The following COL22A1 variants were observed in gnomAD, a reference collection of about 807,000 sequenced individuals.
COL22A1 encodes collagen alpha-1(XXII) chain.
Under a neutral mutation model 248.9 loss-of-function variants are expected in COL22A1, and 221 were observed. That is an observed-to-expected ratio of 0.89 (90% CI 0.80 to 0.99). The LOEUF is 0.99. Ranked by LOEUF, COL22A1 falls within the 50% of genes least tolerant of loss-of-function variation. The probability of loss-of-function intolerance (pLI) is 0.00; values close to 1 mark genes in which losing one functional copy is unlikely to be tolerated. For synonymous variants in COL22A1, 891 were observed against 793.4 expected, an observed-to-expected ratio of 1.12 and a Z score of -2.07; for missense variants, 2,240 against 2,179.0, an observed-to-expected ratio of 1.03 and a Z score of -0.56.
rs750656357 is a variant in COL22A1 at position 138,755,555 on chromosome 8, C to CA, written c.1948-45dup. 95 of 1,597,358 alleles carry CA rather than the reference C, an allele frequency of 5.9e-5. No homozygotes were observed. The African/African-American group carries it at 1.1e-3, about 18-fold the overall frequency. On this transcript the variant is annotated intron_variant, in intron 19 of 64. Transcript: ENST00000303045. ...ATTAGCAAAGGTGCTGGCATTTCCG[C>CA]AACCACAGTCAACCTCTCTCAGCTG...
At chr8:138,752,408 C>G (rs1170801081) in intron 21 of COL22A1, among the ~76,000 whole-genome samples, 1 of 152,194 alleles carries the variant, frequency 6.6e-6, no homozygotes, top group African/African-American at 2.4e-5. Flanking sequence ...TGTACGTGAC[C>G]AAGCTGCATT....
intron 41 of COL22A1, among the ~76,000 whole-genome samples, chr8:138,665,876 T>C (rs1444729950): frequency 1.3e-5 from 2 of 152,144 alleles, no homozygotes; most frequent in African/African-American, 4.8e-5. Context: ...AGAGCCAGAG[T>C]ACATTTTTAG....
chr8:138,764,549 GC>G (rs1833772430), intron 16 of COL22A1, among the ~76,000 whole-genome samples: 1 of 152,226 alleles, frequency 6.6e-6, no homozygotes, highest in South Asian at 2.1e-4. Flanking sequence ...TGGTTTGCAG[GC>G]CCCTGGCCTT....
intron 7 of COL22A1, among the ~76,000 whole-genome samples, chr8:138,817,066 T>A (rs1320691219): frequency 6.6e-6 from 1 of 152,206 alleles, no homozygotes; most frequent in Non-Finnish European, 1.5e-5. Context: ...CTCCTTTCTA[T>A]AGATGAGGAA....
chr8:138,613,247 CAAA>C (rs35361699), intron 56 of COL22A1, among the ~76,000 whole-genome samples: 3 of 124,328 alleles, frequency 2.4e-5, no homozygotes, highest in Non-Finnish European at 1.6e-5. Flanking sequence ...GACTCCGTTT[CAAA>C]AAAAAAAAAA....
At chr8:138,684,492 G>A (rs762273542) in intron 38 of COL22A1, 23 bp from the exon 39 acceptor site, 9 of 1,579,714 alleles carry the variant, frequency 5.7e-6, no homozygotes, top group South Asian at 1.1e-5. Flanking sequence ...ATAATACAAG[G>A]ACAATCATGG....
intron 17 of COL22A1, 38 bp downstream of exon 17, chr8:138,762,375 T>G: frequency 6.2e-7 from 1 of 1,606,904 alleles, no homozygotes; most frequent in Non-Finnish European, 8.5e-7. Flanking sequence ...CTCTGACCGC[T>G]GATGAAACCT....
At chr8:138,805,096 T>C (rs1204175164) in intron 10 of COL22A1, among the ~76,000 whole-genome samples, 4 of 142,294 alleles carry the variant, frequency 2.8e-5, no homozygotes, top group Non-Finnish European at 6.1e-5. Context: ...GGTAATGGTG[T>C]ATGGTGGTGT....
At chr8:138,802,847 T>C (rs755784069) in intron 11 of COL22A1, 25 bp downstream of exon 11, 11 of 1,601,818 alleles carry the variant, frequency 6.9e-6, no homozygotes, top group South Asian at 1.1e-5. Context: ...GGTTCAGCCA[T>C]GTAGAGGAGC....
At chr8:138,826,110 A>G (rs1275505553) in intron 6 of COL22A1, 1 of 153,208 alleles carries the variant, frequency 6.5e-6, no homozygotes, top group African/African-American at 2.4e-5. Flanking sequence ...CGTATCAGAC[A>G]CTGTTCTAGA....
chr8:138,793,036 A>G (rs1816202515), intron 12 of COL22A1, among the ~76,000 whole-genome samples: 1 of 152,240 alleles, frequency 6.6e-6, no homozygotes, highest in Non-Finnish European at 1.5e-5. Context: ...TACCCTTAGC[A>G]GGATGCCTGG....
chr8:138,774,974 G>T (rs16909591), intron 16 of COL22A1, among the ~76,000 whole-genome samples: 1 of 152,122 alleles, frequency 6.6e-6, no homozygotes, highest in African/African-American at 2.4e-5. Flanking sequence ...ATATGCCTAC[G>T]TGCCCACTAT....
chr8:138,695,962 C>T (rs1827474258), intron 32 of COL22A1, among the ~76,000 whole-genome samples: 1 of 152,094 alleles, frequency 6.6e-6, no homozygotes, highest in African/African-American at 2.4e-5. Flanking sequence ...TCTTGGGAGC[C>T]CTGGCCCTCT....
intron 30 of COL22A1, among the ~76,000 whole-genome samples, chr8:138,713,274 C>A (rs983022932): frequency 1.3e-5 from 2 of 152,024 alleles, no homozygotes; most frequent in Non-Finnish European, 2.9e-5. Flanking sequence ...CTGGAGTCAG[C>A]ATGTGGTCCC....
At chr8:138,817,544 C>T (rs561080782) in intron 7 of COL22A1, among the ~76,000 whole-genome samples, 2 of 152,116 alleles carry the variant, frequency 1.3e-5, no homozygotes, top group African/African-American at 4.8e-5. Context: ...GGTGGGGAAC[C>T]AACTACTTCT....
intron 3 of COL22A1, among the ~76,000 whole-genome samples, chr8:138,850,360 C>T (rs1159770434): frequency 1.3e-5 from 2 of 152,204 alleles, no homozygotes; most frequent in Non-Finnish European, 2.9e-5. Flanking sequence ...GTCTGTGTGA[C>T]ATATGCAGTA....
intron 16 of COL22A1, among the ~76,000 whole-genome samples, chr8:138,765,668 T>C (rs917290794): frequency 1.3e-5 from 2 of 152,240 alleles, no homozygotes; most frequent in Non-Finnish European, 2.9e-5. Context: ...AAAGGTATAA[T>C]TGCCCTGTTG....
At chr8:138,752,887 T>G (rs556954262) in intron 21 of COL22A1, among the ~76,000 whole-genome samples, 1 of 152,334 alleles carries the variant, frequency 6.6e-6, no homozygotes, top group Admixed American at 6.5e-5. Flanking sequence ...TAGGTGCTGC[T>G]GCGGATTCAA....
chr8:138,723,261 G>GT (rs1470040630), intron 25 of COL22A1, among the ~76,000 whole-genome samples: 1 of 152,010 alleles, frequency 6.6e-6, no homozygotes, highest in Non-Finnish European at 1.5e-5. Context: ...ATCTCTCCCT[G>GT]TGCCTCCAGC....
Sources: gnomAD v4.1 joint callset for allele counts (sites outside exome capture counted in the v4.1 genomes callset) on GRCh38, gnomAD v4.1.1 for gene constraint, MANE v1.5 for transcripts, NCBI Gene and HGNC (gene_info 2026-07-23, HGNC 2026-07-21) for gene names.